Variants in MAPK4 observed in about 807,000 individuals in gnomAD.
The protein encoded by MAPK4 is mitogen-activated protein kinase 4.
MAPK4 carries 22 observed loss-of-function variants against 47.7 expected under a neutral mutation model. That is an observed-to-expected ratio of 0.46 (90% CI 0.33 to 0.66). The LOEUF (loss-of-function observed/expected upper bound fraction) is 0.66, where lower values mean the gene tolerates loss of function less well. Ranked by LOEUF, MAPK4 falls within the 30% of genes least tolerant of loss-of-function variation. MAPK4 has a pLI of 0.02. For synonymous variants in MAPK4, 390 were observed against 365.7 expected (o/e 1.07, Z -0.76); for missense variants, 736 against 831.7 (o/e 0.88, Z 1.42).
chr18:50,571,187 C>T (rs927879563), intron 1 of MAPK4, among the ~76,000 whole-genome samples: 2 of 152,080 alleles, frequency 1.3e-5, no homozygotes, highest in Admixed American at 6.5e-5. Flanking sequence ...TTATGTATTC[C>T]ACAATAATTT....
At chr18:50,690,099 C>T (rs1909127364) in intron 2 of MAPK4, among the ~76,000 whole-genome samples, 1 of 152,230 alleles carries the variant, frequency 6.6e-6, no homozygotes, top group South Asian at 2.1e-4. Flanking sequence ...AGCTAGAGCC[C>T]CAGAAGGCTT....
At chr18:50,575,077 G>A (rs186177706) in intron 1 of MAPK4, among the ~76,000 whole-genome samples, 17 of 152,280 alleles carry the variant, frequency 1.1e-4, no homozygotes, top group South Asian at 2.1e-4. Context: ...TGGGGCCTTC[G>A]GGGAGGCGTT....
chr18:50,572,848 A>G (rs1052313574), intron 1 of MAPK4, among the ~76,000 whole-genome samples: 11 of 152,174 alleles, frequency 7.2e-5, no homozygotes, highest in African/African-American at 1.9e-4. Context: ...AATAATAATC[A>G]CATTATTATT....
chr18:50,625,216 C>G (rs2144137709), intron 1 of MAPK4, among the ~76,000 whole-genome samples: 1 of 152,262 alleles, frequency 6.6e-6, no homozygotes, highest in Middle Eastern at 3.4e-3. Context: ...AAGGAGGAAC[C>G]AAAGCTGGTC....
At chr18:50,672,836 G>A (rs1052881748) in intron 2 of MAPK4, among the ~76,000 whole-genome samples, 5 of 152,184 alleles carry the variant, frequency 3.3e-5, no homozygotes, top group African/African-American at 9.7e-5. Flanking sequence ...CTATTTACCA[G>A]TCAGCTTGCA....
rs557549503 is a variant in MAPK4 at position 50,666,535 on chromosome 18, G to A, written c.546+2031G>A. On this transcript the variant is annotated intron_variant, in intron 2 of 5. Coordinates refer to ENST00000400384, the MANE Select transcript of MAPK4 (RefSeq NM_002747.4). ...GAGCTGGAGAGACCAAGGCTCACACGATCCCCCAGCAACCCTGAGGGCTGG... is the reference window on the plus strand; with the variant it reads ...GAGCTGGAGAGACCAAGGCTCACACAATCCCCCAGCAACCCTGAGGGCTGG... Among the ~76,000 whole-genome samples, 12 of 152,292 alleles carry A rather than the reference G, an allele frequency of 7.9e-5. No homozygotes were observed. In the East Asian group the frequency reaches 2.3e-3, roughly 29 times the overall value.
chr18:50,595,459 C>A lies in MAPK4; in HGVS notation c.-871+35216C>A, dbSNP rs79460953. On this transcript the variant is annotated intron_variant, in intron 1 of 5. Transcript: ENST00000400384. ...AAAAAAACATACCTTCCAAATGATTCTATTTACAAGAAGTTCAAGAACAAA... is the reference window on the plus strand; with the variant it reads ...AAAAAAACATACCTTCCAAATGATTATATTTACAAGAAGTTCAAGAACAAA... Among the ~76,000 whole-genome samples the A allele has an allele frequency of 2.9e-3, 434 of 152,262 alleles. 7 individuals carry two copies. In the East Asian group the frequency reaches 0.05, roughly 17 times the overall value.
intron 2 of MAPK4, among the ~76,000 whole-genome samples, chr18:50,685,375 T>C (rs1568080295): frequency 6.6e-6 from 1 of 152,218 alleles, no homozygotes; most frequent in African/African-American, 2.4e-5. Flanking sequence ...AGAGAGAATA[T>C]GGCCAGCATC....
rs77376617 is a variant in MAPK4 at position 50,564,654 on chromosome 18, T to C, written c.-871+4411T>C. Among the ~76,000 whole-genome samples, 1,299 of 152,332 alleles carry C rather than the reference T, an allele frequency of 8.5e-3. 14 individuals carry two copies. The highest frequency in any genetic ancestry group is 0.015 in the Non-Finnish European group (1,027 of 68,018). On this transcript the variant is annotated intron_variant, in intron 1 of 5. Coordinates refer to ENST00000400384, the MANE Select transcript of MAPK4 (RefSeq NM_002747.4). ...ATTTCATAAATTAGAATAAATATCC[T>C]TTTTTTCAGACCTGATATCCTAATC... is the stretch of plus-strand genomic sequence containing the variant.
rs376891831 is a variant in MAPK4 at position 50,573,416 on chromosome 18, C to T, written c.-871+13173C>T. Among the ~76,000 whole-genome samples, 19 of 152,268 alleles carry T rather than the reference C, an allele frequency of 1.2e-4. No homozygotes were observed. The East Asian group carries it at 2.1e-3, about 17-fold the overall frequency. ...CTTGCATGACTGCCTGAGTCTGCCT[C>T]CTGTCAGAACAGTGGCGGCATTAGA... On this transcript the variant is annotated intron_variant, in intron 1 of 5. Transcript: ENST00000400384.
intron 5 of MAPK4, 46 bp from the exon 6 acceptor site, chr18:50,729,112 T>G (rs375725875): frequency 6.7e-7 from 1 of 1,487,326 alleles, no homozygotes; most frequent in Non-Finnish European, 9.1e-7. Flanking sequence ...TCCCGGAAGC[T>G]ACCTGGCTTG....
chr18:50,566,002 A>T (rs956172601), intron 1 of MAPK4, among the ~76,000 whole-genome samples: 1 of 152,232 alleles, frequency 6.6e-6, no homozygotes, highest in African/African-American at 2.4e-5. Flanking sequence ...TCATTAATTA[A>T]TCTTTTTCCT....
At chr18:50,653,706 A>G (rs1211487132) in intron 1 of MAPK4, among the ~76,000 whole-genome samples, 3 of 152,224 alleles carry the variant, frequency 2.0e-5, no homozygotes, top group Non-Finnish European at 4.4e-5. Context: ...TGATTAATCT[A>G]CTGAGAATAG....
At chr18:50,687,582 C>A (rs1446319358) in intron 2 of MAPK4, among the ~76,000 whole-genome samples, 1 of 152,238 alleles carries the variant, frequency 6.6e-6, no homozygotes, top group Non-Finnish European at 1.5e-5. Flanking sequence ...TCGCTCTTTC[C>A]CTGGTACACG....
intron 4 of MAPK4, among the ~76,000 whole-genome samples, chr18:50,723,856 C>A (rs542328797): frequency 2.4e-5 from 3 of 123,716 alleles, no homozygotes; most frequent in South Asian, 2.8e-4. Flanking sequence ...AGGAGTGAGA[C>A]CCTGTCTCAA....
chr18:50,587,938 C>T (rs1165657640), intron 1 of MAPK4, among the ~76,000 whole-genome samples: 1 of 151,996 alleles, frequency 6.6e-6, no homozygotes, highest in Non-Finnish European at 1.5e-5. Context: ...ACCATGTTGG[C>T]CAGGCTGGTC....
intron 2 of MAPK4, among the ~76,000 whole-genome samples, chr18:50,713,463 G>A (rs1320597470): frequency 3.3e-5 from 5 of 152,196 alleles, no homozygotes; most frequent in Non-Finnish European, 7.3e-5. Flanking sequence ...AATTTGGGAG[G>A]AGGTTCAGAC....
At chr18:50,599,936 C>A (rs2042520162) in intron 1 of MAPK4, among the ~76,000 whole-genome samples, 1 of 152,110 alleles carries the variant, frequency 6.6e-6, no homozygotes, top group South Asian at 2.1e-4. Context: ...CTAAATGGAA[C>A]ATCTTACTCT....
At chr18:50,683,455 T>G (rs1463035159) in intron 2 of MAPK4, among the ~76,000 whole-genome samples, 4 of 98,144 alleles carry the variant, frequency 4.1e-5, no homozygotes, top group Admixed American at 2.9e-4. Context: ...GGTGATGGGG[T>G]GTGTGTGTGT....
Sources: gnomAD v4.1 joint callset for allele counts (sites outside exome capture counted in the v4.1 genomes callset) on GRCh38, gnomAD v4.1.1 for gene constraint, MANE v1.5 for transcripts, NCBI Gene and HGNC (gene_info 2026-07-23, HGNC 2026-07-21) for gene names.